The following GPC6 variants were observed in gnomAD, a reference collection of about 807,000 sequenced individuals.
The protein encoded by GPC6 is glypican 6, also known as glypican-6.
GPC6 carries 14 observed loss-of-function variants against 55.2 expected under a neutral mutation model. The observed-to-expected ratio is 0.25, with a 90% CI of 0.17 to 0.40. The LOEUF is 0.40. GPC6 is among the 10% of genes least tolerant of loss of function. The probability of loss-of-function intolerance (pLI) is 1.00; values close to 1 mark genes in which losing one functional copy is unlikely to be tolerated. For missense variants in GPC6, 641 were observed against 708.5 expected (o/e 0.90, Z 1.08); for synonymous variants, 278 against 259.6 (o/e 1.07, Z -0.68).
At chr13:94,124,771 A>T (rs543502680) in intron 4 of GPC6, among the ~76,000 whole-genome samples, 3 of 152,260 alleles carry the variant, frequency 2.0e-5, no homozygotes, top group South Asian at 4.1e-4. Flanking sequence ...CAAGGACACA[A>T]GTCAGAATTT....
chr13:94,273,667 A>G (rs1892113782), intron 4 of GPC6, among the ~76,000 whole-genome samples: 1 of 152,198 alleles, frequency 6.6e-6, no homozygotes, highest in South Asian at 2.1e-4. Flanking sequence ...ATGGAGTGAG[A>G]GCAGATACGA....
At chr13:94,291,213 G>GA (rs368447285) in intron 5 of GPC6, among the ~76,000 whole-genome samples, 24 of 141,642 alleles carry the variant, frequency 1.7e-4, no homozygotes, top group Middle Eastern at 3.7e-3. Context: ...AGAAAAGAAA[G>GA]AAAAAAAAAA....
intron 4 of GPC6, among the ~76,000 whole-genome samples, chr13:94,162,606 C>T (rs1020658984): frequency 6.6e-6 from 1 of 152,012 alleles, no homozygotes; most frequent in Non-Finnish European, 1.5e-5. Flanking sequence ...TGTTAGTAAG[C>T]GAAAGGAGGG....
chr13:93,786,442 A>G (rs1885816982), intron 2 of GPC6, among the ~76,000 whole-genome samples: 3 of 152,276 alleles, frequency 2.0e-5, no homozygotes, highest in African/African-American at 4.8e-5. Context: ...TAAAAATAAC[A>G]TATTGTTCAT....
chr13:93,947,702 C>T (rs947213703), intron 3 of GPC6, among the ~76,000 whole-genome samples: 3 of 151,616 alleles, frequency 2.0e-5, no homozygotes, highest in Admixed American at 2.0e-4. Context: ...ATTGATTCCC[C>T]GTACAAAAGT....
At chr13:93,595,949 T>G (rs776265695) in intron 2 of GPC6, among the ~76,000 whole-genome samples, 2 of 152,204 alleles carry the variant, frequency 1.3e-5, no homozygotes, top group Non-Finnish European at 2.9e-5. Context: ...TAAATCTATT[T>G]TTGAATATGT....
chr13:93,362,613 T>C (rs1021254717), intron 1 of GPC6, among the ~76,000 whole-genome samples: 9 of 152,054 alleles, frequency 5.9e-5, no homozygotes, highest in Admixed American at 1.3e-4. Context: ...CAAATAAATA[T>C]GGCTGGAGTT....
intron 2 of GPC6, among the ~76,000 whole-genome samples, chr13:93,713,408 C>T (rs530625148): frequency 1.8e-4 from 27 of 151,488 alleles, no homozygotes; most frequent in African/African-American, 5.1e-4. Context: ...ACTGCCAAGA[C>T]TAATTAAGAA....
At chr13:93,644,023 A>T (rs1353626159) in intron 2 of GPC6, among the ~76,000 whole-genome samples, 2 of 152,044 alleles carry the variant, frequency 1.3e-5, no homozygotes, top group Non-Finnish European at 2.9e-5. Context: ...GTGGTAATTT[A>T]TCACTTTAAG....
intron 3 of GPC6, among the ~76,000 whole-genome samples, chr13:93,842,769 A>G (rs1294022944): frequency 6.6e-6 from 1 of 152,120 alleles, no homozygotes; most frequent in Non-Finnish European, 1.5e-5. Context: ...GGTAAGAAAA[A>G]TAAGTCACCA....
At chr13:94,111,155 T>A (rs895778561) in intron 4 of GPC6, among the ~76,000 whole-genome samples, 1 of 152,160 alleles carries the variant, frequency 6.6e-6, no homozygotes, top group Non-Finnish European at 1.5e-5. Context: ...TTCATATTCT[T>A]TGCCCATTTT....
intron 5 of GPC6, among the ~76,000 whole-genome samples, chr13:94,295,739 C>T (rs1285403720): frequency 6.6e-6 from 1 of 151,990 alleles, no homozygotes; most frequent in Non-Finnish European, 1.5e-5. Context: ...AAAAATTGGC[C>T]TGCTTCATTG....
chr13:94,225,760 C>T (rs1306007888), intron 4 of GPC6, among the ~76,000 whole-genome samples: 1 of 151,702 alleles, frequency 6.6e-6, no homozygotes, highest in Non-Finnish European at 1.5e-5. Flanking sequence ...GAAAACGTGA[C>T]CAGAGGCTTG....
intron 2 of GPC6, among the ~76,000 whole-genome samples, chr13:93,680,252 G>A (rs531081821): frequency 7.0e-4 from 107 of 152,062 alleles, no homozygotes; most frequent in Non-Finnish European, 1.4e-3. Flanking sequence ...ACAGACACAG[G>A]GAGAAGATGG....
chr13:94,382,401 G>A lies in GPC6; in HGVS notation c.1153-13G>A. 1 of 1,614,050 alleles carries A rather than the reference G, an allele frequency of 6.2e-7. No individual in the cohort carries two copies. The highest frequency in any genetic ancestry group is 8.5e-7 in the Non-Finnish European group (1 of 1,179,944). On this transcript the variant is annotated splice_polypyrimidine_tract_variant and intron_variant, in intron 6 of 8. Transcript: ENST00000377047. The stretch of plus-strand genomic sequence containing the variant: ...GCAGAATACTCACTTGCTTTCCTTG[G>A]TTTCTTGATCAGGTCACAGACATAA...
chr13:94,216,609 C>G (rs1890231632), intron 4 of GPC6, among the ~76,000 whole-genome samples: 1 of 152,112 alleles, frequency 6.6e-6, no homozygotes, highest in South Asian at 2.1e-4. Flanking sequence ...CAGGGAACAC[C>G]AGCATCTGGT....
intron 4 of GPC6, among the ~76,000 whole-genome samples, chr13:94,272,427 G>A (rs1892058820): frequency 6.8e-6 from 1 of 147,558 alleles, no homozygotes; most frequent in Non-Finnish European, 1.5e-5. Flanking sequence ...TATTTTGACT[G>A]GTCCTGCTTC....
chr13:93,508,062 G>T (rs1880805928), intron 1 of GPC6, among the ~76,000 whole-genome samples: 1 of 152,188 alleles, frequency 6.6e-6, no homozygotes, highest in Non-Finnish European at 1.5e-5. Flanking sequence ...CTAGTAGAGG[G>T]AGAGAAGATT....
intron 1 of GPC6, among the ~76,000 whole-genome samples, chr13:93,308,669 T>A (rs1265585779): frequency 6.6e-6 from 1 of 152,232 alleles, no homozygotes; most frequent in African/African-American, 2.4e-5. Flanking sequence ...CTCGAACTCC[T>A]GACTTCAAGT....
Sources: allele counts gnomAD v4.1 joint callset (sites outside exome capture counted in the v4.1 genomes callset), GRCh38; gene constraint gnomAD v4.1.1; transcripts MANE v1.5; gene names NCBI Gene and HGNC (gene_info 2026-07-23, HGNC 2026-07-21).